Variants in NFIB observed in about 807,000 individuals in gnomAD.
NFIB encodes nuclear factor I B.
NFIB carries 11 observed loss-of-function variants against 61.5 expected under a neutral mutation model. That is an observed-to-expected ratio of 0.18 (90% CI 0.11 to 0.30). The LOEUF (loss-of-function observed/expected upper bound fraction) is 0.30. Ranked by LOEUF, NFIB falls within the 10% of genes least tolerant of loss-of-function variation. The pLI is 1.00. For synonymous variants in NFIB, 260 were observed against 216.5 expected (o/e 1.20, Z -1.76); for missense variants, 471 against 608.9 (o/e 0.77, Z 2.38).
chr9:14,404,218 A>C, the NFIB span, among the ~76,000 whole-genome samples: 1 of 152,106 alleles, frequency 6.6e-6, no homozygotes, highest in Non-Finnish European at 1.5e-5. Flanking sequence ...GGTTTAAACA[A>C]CCCCTACCAG....
At chr9:14,197,793 GA>G (rs34370866) in intron 2 of NFIB, among the ~76,000 whole-genome samples, 2 of 152,154 alleles carry the variant, frequency 1.3e-5, no homozygotes, top group Non-Finnish European at 1.5e-5. Flanking sequence ...ATAACTTGGG[GA>G]AAAAAAAGGT....
chr9:14,473,809 G>C, the NFIB span, among the ~76,000 whole-genome samples: 1 of 152,028 alleles, frequency 6.6e-6, no homozygotes, highest in South Asian at 2.1e-4. Flanking sequence ...CTCCACTTTT[G>C]CTGAAAAACT....
intron 2 of NFIB, chr9:14,180,544 A>G (rs1343457436): frequency 6.6e-6 from 1 of 152,258 alleles, no homozygotes; most frequent in Non-Finnish European, 1.5e-5. Flanking sequence ...TACAACTGTT[A>G]GGCAACATGC....
At chr9:14,186,195 T>TA (rs759479376) in intron 2 of NFIB, among the ~76,000 whole-genome samples, 19 of 152,180 alleles carry the variant, frequency 1.2e-4, no homozygotes, top group Non-Finnish European at 2.1e-4. Context: ...CATAACAATA[T>TA]AGCTTTTATA....
chr9:14,513,401 G>A, the NFIB span, among the ~76,000 whole-genome samples: 6 of 151,894 alleles, frequency 4.0e-5, no homozygotes, highest in Non-Finnish European at 7.4e-5. Context: ...AGGCTGAGGC[G>A]GGCAGATCAC....
intron 8 of NFIB, 75 bp from the exon 9 acceptor site, chr9:14,116,421 C>T (rs1270186061): frequency 5.1e-6 from 7 of 1,373,468 alleles, no homozygotes; most frequent in Non-Finnish European, 6.7e-6. Context: ...CCACTCAGCA[C>T]ACACGACTGT....
chr9:14,289,229 C>CAT (rs57903652), intron 2 of NFIB, among the ~76,000 whole-genome samples: 122,373 of 147,884 alleles, frequency 0.83, 51,293 homozygotes, highest in Non-Finnish European at 0.9. Flanking sequence ...ACCAAATACA[C>CAT]ATATATATAT....
chr9:14,150,162 C>G lies in NFIB; in HGVS notation c.789G>C (p.Leu263=). The G allele has an allele frequency of 1.9e-6, 3 of 1,613,362 alleles. No individual in the cohort carries two copies. Among genetic ancestry groups the G allele is most frequent in the Non-Finnish European group, 2.5e-6 (3 of 1,179,516 alleles). ...MNSGVNLQRS[L]SSPPSSKRPK... is the part of the protein sequence containing the mutation. ...TTCAGTACCTGCTTGGTGGAGAAGA[C>G]AGAGACCTCTGAAGATTGACCCCCG... The change falls in exon 5 of 11, where the codon CTG becomes CTC. Residue 263 remains leucine, a synonymous_variant. Transcript: ENST00000380953.
upstream of NFIB, among the ~76,000 whole-genome samples, chr9:14,319,034 C>A (rs758254281): frequency 5.2e-4 from 79 of 152,100 alleles, no homozygotes; most frequent in Non-Finnish European, 9.8e-4. Context: ...AGTTTCCCCA[C>A]CCCCATTGCT....
At chr9:14,285,059 G>C (rs1417917864) in intron 2 of NFIB, among the ~76,000 whole-genome samples, 2 of 152,170 alleles carry the variant, frequency 1.3e-5, no homozygotes, top group Non-Finnish European at 2.9e-5. Context: ...CTAAGATTTT[G>C]TATATCAAAA....
At chr9:14,207,073 T>C (rs1393191279) in intron 2 of NFIB, among the ~76,000 whole-genome samples, 1 of 152,198 alleles carries the variant, frequency 6.6e-6, no homozygotes, top group Non-Finnish European at 1.5e-5. Context: ...ACATGTCCAA[T>C]ACTGTTCTCA....
intron 1 of NFIB, among the ~76,000 whole-genome samples, chr9:14,373,133 G>A (rs1044249828): frequency 1.3e-5 from 2 of 152,190 alleles, no homozygotes; most frequent in African/African-American, 4.8e-5. Flanking sequence ...GAGAAGGGTG[G>A]TGGGAATGCT....
chr9:14,296,831 G>T (rs2059473929), intron 2 of NFIB, among the ~76,000 whole-genome samples: 1 of 152,194 alleles, frequency 6.6e-6, no homozygotes, highest in Non-Finnish European at 1.5e-5. Context: ...GGCAGAAGGG[G>T]GATATGCTGA....
At chr9:14,417,613 T>A in the NFIB span, among the ~76,000 whole-genome samples, 1 of 152,150 alleles carries the variant, frequency 6.6e-6, no homozygotes. Flanking sequence ...ATATTGAAGT[T>A]TCTTTGCTGT....
chr9:14,109,014 G>A (rs2036963455), intron 10 of NFIB, among the ~76,000 whole-genome samples: 1 of 151,884 alleles, frequency 6.6e-6, no homozygotes, highest in African/African-American at 2.4e-5. Flanking sequence ...TATGACCTTA[G>A]ACTCAAATGT....
chr9:14,194,614 T>C (rs2048287770), intron 2 of NFIB, among the ~76,000 whole-genome samples: 1 of 152,228 alleles, frequency 6.6e-6, no homozygotes, highest in Admixed American at 6.5e-5. Context: ...CAATGTACTG[T>C]ATATGTATAT....
intron 2 of NFIB, among the ~76,000 whole-genome samples, chr9:14,262,349 T>G (rs973644535): frequency 3.3e-5 from 5 of 152,186 alleles, no homozygotes; most frequent in African/African-American, 9.6e-5. Context: ...CTGTTTTGCC[T>G]CCAGTAAAAC....
chr9:14,291,800 G>T (rs2059119948), intron 2 of NFIB, among the ~76,000 whole-genome samples: 1 of 136,124 alleles, frequency 7.3e-6, no homozygotes, highest in Non-Finnish European at 1.6e-5. Flanking sequence ...CTGACTTTCA[G>T]TTAAAAAAAA....
chr9:14,136,886 A>G (rs1334386414), intron 6 of NFIB, among the ~76,000 whole-genome samples: 2 of 152,196 alleles, frequency 1.3e-5, no homozygotes. Context: ...AAAGTAGTCA[A>G]AATTGGTATA....
Sources: gnomAD v4.1 joint callset for allele counts (sites outside exome capture counted in the v4.1 genomes callset) on GRCh38, gnomAD v4.1.1 for gene constraint, MANE v1.5 for transcripts, NCBI Gene and HGNC (gene_info 2026-07-23, HGNC 2026-07-21) for gene names.